LINS1: variants seen among roughly 807,000 people sequenced by gnomAD.
The protein encoded by LINS1 is protein Lines homolog 1.
A neutral mutation model predicts 41.6 loss-of-function variants in LINS1; 27 were observed. That is an observed-to-expected ratio of 0.65 (90% CI 0.48 to 0.89). The LOEUF is 0.89. LINS1 is among the 40% of genes least tolerant of loss of function. The pLI is 0.00. For synonymous variants in LINS1, 336 were observed against 312.9 expected, an observed-to-expected ratio of 1.07 and a Z score of -0.78; for missense variants, 955 against 884.1, an observed-to-expected ratio of 1.08 and a Z score of -1.02.
Position 100,580,928 on chromosome 15 carries a change from A to G in LINS1, c.-86T>C. On this transcript the variant is annotated 5_prime_UTR_variant, in exon 2 of 7. Coordinates refer to ENST00000314742, the MANE Select transcript of LINS1 (RefSeq NM_001040616.3). ...CTCAGAAGTGCAATGAATCTCTAAG[A>G]AGTTTCTTCAGTGAAACCTAAAATA... is the stretch of plus-strand genomic sequence containing the variant. 7.9e-7 allele frequency: 1 copy of G among 1,271,478 alleles called. No homozygotes were observed. The highest frequency in any genetic ancestry group is 1.1e-6 in the Non-Finnish European group (1 of 908,058). 78.8% of individuals were successfully genotyped at this position (1,271,478 alleles called of 1,614,324 possible).
At chr15:100,573,383 T>C (rs1167876673) in intron 5 of LINS1, 11 of 1,255,868 alleles carry the variant, frequency 8.8e-6, no homozygotes, top group Non-Finnish European at 1.1e-5. Context: ...TTTCCATCAC[T>C]TACTTTGAGA....
At chr15:100,599,043 G>C (rs1319050893) in intron 1 of LINS1, among the ~76,000 whole-genome samples, 3 of 152,130 alleles carry the variant, frequency 2.0e-5, no homozygotes, top group Non-Finnish European at 4.4e-5. Context: ...AGTGGTGCTG[G>C]GGCATTTTTC....
intron 3 of LINS1, chr15:100,576,722 A>C (rs1396350194): frequency 1.3e-5 from 2 of 152,280 alleles, no homozygotes; most frequent in Non-Finnish European, 2.9e-5. Context: ...ACACAACAAA[A>C]AAAGAGAATT....
chr15:100,572,849 A>C, intron 5 of LINS1: 1 of 800,556 alleles, frequency 1.2e-6, no homozygotes, highest in Non-Finnish European at 1.5e-6. Context: ...ATTAGCTTTA[A>C]TTCAATATCT....
At chr15:100,579,539 C>T (rs1411989757) in intron 3 of LINS1, among the ~76,000 whole-genome samples, 3 of 151,510 alleles carry the variant, frequency 2.0e-5, no homozygotes, top group Non-Finnish European at 2.9e-5. Context: ...GTGAATTTTT[C>T]ATTTTAATTT....
chr15:100,569,136 A>AAAG lies in LINS1; in HGVS notation c.*101_*102insCTT, dbSNP rs1555542478. 529 of 802,752 alleles carry AAAG rather than the reference A, an allele frequency of 6.6e-4. 3 individuals carry two copies. Among genetic ancestry groups the AAAG allele is most frequent in the African/African-American group, 5.3e-3 (306 of 57,622 alleles). 49.7% of individuals were successfully genotyped at this position (802,752 alleles called of 1,614,324 possible). A position where few individuals can be genotyped will look rare whatever the true frequency, so the allele number is the denominator to read the frequency against. Reference sequence around the variant, plus strand: ...AGATTCTGTCTCAAAAAAAAAAAAAAAAAAGAAAACCCTTTTATGGTGATG... The same window carrying AAAG: ...AGATTCTGTCTCAAAAAAAAAAAAAAAAGAAAAGAAAACCCTTTTATGGTGATG... On this transcript the variant is annotated 3_prime_UTR_variant, in exon 7 of 7. Transcript: ENST00000314742.
At chr15:100,578,389 G>A in intron 3 of LINS1, among the ~76,000 whole-genome samples, 1 of 152,024 alleles carries the variant, frequency 6.6e-6, no homozygotes, top group Non-Finnish European at 1.5e-5. Flanking sequence ...CTTCTCAAAA[G>A]AAGACATTTA....
At position 100,573,679 on chromosome 15, in the gene LINS1, T is replaced by C. The variant is rs138347314; in HGVS notation, c.1194A>G (p.Gln398=). Residue 398 remains glutamine (Q), a synonymous_variant, in exon 5 of 7, where the codon CAA becomes CAG. Transcript: ENST00000314742. ...VIMKSLEIKF[Q]NYSSASEVKV... is the part of the protein sequence containing the mutation. ...TCACTTCACTTGCTGAAGAATAATT[T>C]TGAAACTTGATTTCTAAGGATTTCA... The C allele has an allele frequency of 3.5e-3, 5,677 of 1,608,822 alleles. 10 individuals are homozygous for C. The highest frequency in any genetic ancestry group is 4.5e-3 in the Non-Finnish European group (5,272 of 1,177,004).
intron 1 of LINS1, among the ~76,000 whole-genome samples, chr15:100,598,644 C>A (rs763644215): frequency 6.6e-6 from 1 of 152,176 alleles, no homozygotes; most frequent in Non-Finnish European, 1.5e-5. Flanking sequence ...TCCTTTCTTT[C>A]GGCGTTCTTT....
chr15:100,596,162 A>C (rs1489972726), intron 1 of LINS1, among the ~76,000 whole-genome samples: 1 of 152,170 alleles, frequency 6.6e-6, no homozygotes, highest in Non-Finnish European at 1.5e-5. Flanking sequence ...TCAGGGCTAA[A>C]GGGGGTGCTG....
chr15:100,575,167 T>C (rs2038089396), intron 3 of LINS1, 39 bp from the exon 4 acceptor site: 1 of 1,559,206 alleles, frequency 6.4e-7, no homozygotes, highest in Non-Finnish European at 8.8e-7. Context: ...TAAAATACAA[T>C]ATTTTCTTTA....
chr15:100,569,790 G>T lies in LINS1; in HGVS notation c.1722C>A (p.Pro574=). Residue 574 remains proline, a synonymous_variant, in exon 7 of 7, where the codon CCC becomes CCA. Coordinates refer to ENST00000314742, the MANE Select transcript of LINS1 (RefSeq NM_001040616.3). The part of the protein sequence containing the change: ...VQDQSSNQTI[P]HRLTAPHSHR... ...GACTATGAGGAGCAGTCAAACGATG[G>T]GGTATTGTTTGGTTGGAGCTTTGGT... 1 of 1,613,990 alleles carries T rather than the reference G, an allele frequency of 6.2e-7. No homozygotes were observed. The highest frequency in any genetic ancestry group is 2.2e-5 in the East Asian group (1 of 44,876).
Position 100,568,101 on chromosome 15 carries a change from G to A in LINS1, c.*1137C>T, listed in dbSNP as rs1026377428. Reference sequence around the variant, plus strand: ...ATTTACGGCTTCCCCTCAAGAATATGGAACATAATTATTCATGTCACAATT... The same window carrying A: ...ATTTACGGCTTCCCCTCAAGAATATAGAACATAATTATTCATGTCACAATT... On this transcript the variant is annotated 3_prime_UTR_variant, in exon 7 of 7. Coordinates refer to ENST00000314742, the MANE Select transcript of LINS1 (RefSeq NM_001040616.3). 3.3e-5 allele frequency: 5 copies of A among 151,826 alleles called. No homozygotes were observed. The highest frequency in any genetic ancestry group is 7.4e-5 in the Non-Finnish European group (5 of 68,008). 9.4% of individuals were successfully genotyped at this position (151,826 alleles called of 1,614,324 possible).
chr15:100,589,321 A>G (rs2038936868), intron 1 of LINS1, among the ~76,000 whole-genome samples: 1 of 152,274 alleles, frequency 6.6e-6, no homozygotes, highest in Non-Finnish European at 1.5e-5. Context: ...AAGTAGAACA[A>G]GAATTAAGTA....
At chr15:100,596,759 C>T (rs1156804424) in intron 1 of LINS1, among the ~76,000 whole-genome samples, 1 of 152,198 alleles carries the variant, frequency 6.6e-6, no homozygotes, top group Non-Finnish European at 1.5e-5. Context: ...ACCTGGGGAC[C>T]AGGCACAGAT....
intron 5 of LINS1, 22 bp downstream of exon 5, chr15:100,573,629 C>A: frequency 7.1e-7 from 1 of 1,408,270 alleles, no homozygotes; most frequent in East Asian, 2.3e-5. Context: ...ACACTGCATA[C>A]AAAAGGAGTT....
chr15:100,574,359 C>T (rs1442917884), intron 4 of LINS1, 118 bp from the exon 5 acceptor site: 5 of 717,344 alleles, frequency 7.0e-6, no homozygotes, highest in African/African-American at 1.8e-5. Flanking sequence ...GGAATGTTTA[C>T]CTCTAACATT....
intron 1 of LINS1, among the ~76,000 whole-genome samples, chr15:100,584,103 T>C (rs2141323566): frequency 6.6e-6 from 1 of 152,314 alleles, no homozygotes; most frequent in Middle Eastern, 3.4e-3. Flanking sequence ...ATGTTCCATC[T>C]CAAAGTCTAA....
intron 1 of LINS1, among the ~76,000 whole-genome samples, chr15:100,588,308 C>T (rs1032082964): frequency 1.3e-5 from 2 of 152,118 alleles, no homozygotes; most frequent in African/African-American, 4.8e-5. Context: ...ACAATGGTGG[C>T]CTGGGTTTAG....
Sources: gnomAD v4.1 joint callset for allele counts (sites outside exome capture counted in the v4.1 genomes callset) on GRCh38, gnomAD v4.1.1 for gene constraint, MANE v1.5 for transcripts, NCBI Gene and HGNC (gene_info 2026-07-23, HGNC 2026-07-21) for gene names.